Variants in NKAIN3 observed in about 807,000 individuals in gnomAD.
NKAIN3 encodes the protein sodium/potassium transporting ATPase interacting 3.
In NKAIN3, 25 loss-of-function variants were observed where a neutral mutation model predicts 30.2. That is an observed-to-expected ratio of 0.83 (90% CI 0.60 to 1.16). The LOEUF (loss-of-function observed/expected upper bound fraction) is 1.16. Among genes scored for constraint, NKAIN3 ranks in the 50% most tolerant of loss-of-function variants. NKAIN3 has a pLI of 0.00. For missense variants in NKAIN3, 225 were observed against 254.1 expected (o/e 0.89, Z 0.78); for synonymous variants, 91 against 89.6 (o/e 1.02, Z -0.09).
chr8:62,649,872 A>G (rs1227023590), intron 3 of NKAIN3, among the ~76,000 whole-genome samples: 2 of 152,178 alleles, frequency 1.3e-5, no homozygotes, highest in African/African-American at 2.4e-5. Context: ...GAGTCCAAAC[A>G]GGCCCCATCT....
chr8:62,741,369 A>C (rs1480120), intron 3 of NKAIN3, among the ~76,000 whole-genome samples: 21,664 of 58,286 alleles, frequency 0.37, 1,902 homozygotes, highest in Non-Finnish European at 0.45. Flanking sequence ...GAAAGAAGGA[A>C]GGAAGGAAGG....
intron 1 of NKAIN3, among the ~76,000 whole-genome samples, chr8:62,324,348 A>G (rs1815043092): frequency 1.3e-5 from 2 of 152,084 alleles, no homozygotes; most frequent in African/African-American, 2.4e-5. Context: ...CTAAATAGAA[A>G]CTTTTTAATA....
intron 3 of NKAIN3, among the ~76,000 whole-genome samples, chr8:62,662,802 T>C (rs1586062993): frequency 6.6e-6 from 1 of 152,326 alleles, no homozygotes; most frequent in African/African-American, 2.4e-5. Flanking sequence ...TATGTGAATG[T>C]GTTTGGGAGA....
chr8:62,388,063 C>A lies in NKAIN3; in HGVS notation c.54+138936C>A, dbSNP rs73259248. Reference sequence around the variant, plus strand: ...TAATGACATTGTGGAGTGTAACTGGCTTTTTAACACCGTTAAATAATTTTC... The same window carrying A: ...TAATGACATTGTGGAGTGTAACTGGATTTTTAACACCGTTAAATAATTTTC... On this transcript the variant is annotated intron_variant, in intron 1 of 6. Coordinates refer to ENST00000623646, the MANE Select transcript of NKAIN3 (RefSeq NM_001304533.3). Among the ~76,000 whole-genome samples, 335 of 152,232 alleles carry A rather than the reference C, an allele frequency of 2.2e-3. 3 individuals carry two copies. The highest frequency in any genetic ancestry group is 7.1e-3 in the African/African-American group (294 of 41,546).
intron 5 of NKAIN3, among the ~76,000 whole-genome samples, chr8:62,939,378 C>CA (rs1000207742): frequency 2.0e-5 from 3 of 152,142 alleles, no homozygotes; most frequent in African/African-American, 7.2e-5. Flanking sequence ...CAGATCTAGA[C>CA]ATCCAAATAC....
At chr8:62,339,639 T>C (rs1815676612) in intron 1 of NKAIN3, among the ~76,000 whole-genome samples, 1 of 152,086 alleles carries the variant, frequency 6.6e-6, no homozygotes, top group Non-Finnish European at 1.5e-5. Flanking sequence ...AAAATGAGAT[T>C]CATCTTTTTC....
intron 1 of NKAIN3, among the ~76,000 whole-genome samples, chr8:62,318,569 ATTGGTT>A (rs1286423701): frequency 8.7e-4 from 131 of 149,904 alleles, no homozygotes; most frequent in African/African-American, 3.1e-3. Flanking sequence ...GGTTTTTGTC[ATTGGTT>A]CTCTATTGAG....
chr8:62,810,342 T>C (rs930249434), intron 4 of NKAIN3, among the ~76,000 whole-genome samples: 2 of 152,224 alleles, frequency 1.3e-5, no homozygotes, highest in African/African-American at 4.8e-5. Context: ...GGGGATGTAT[T>C]TGGAGGAGTA....
intron 3 of NKAIN3, among the ~76,000 whole-genome samples, chr8:62,671,876 G>T (rs1813316633): frequency 6.6e-6 from 1 of 152,004 alleles, no homozygotes; most frequent in African/African-American, 2.4e-5. Context: ...ATCATCTATA[G>T]GAAGTTAACT....
intron 4 of NKAIN3, among the ~76,000 whole-genome samples, chr8:62,762,542 A>C (rs776263298): frequency 6.6e-6 from 1 of 152,230 alleles, no homozygotes; most frequent in Non-Finnish European, 1.5e-5. Flanking sequence ...TATTTTAACC[A>C]GAAGAATGGC....
At chr8:62,316,300 T>G (rs1216944324) in intron 1 of NKAIN3, among the ~76,000 whole-genome samples, 4 of 152,114 alleles carry the variant, frequency 2.6e-5, no homozygotes, top group Non-Finnish European at 5.9e-5. Context: ...TTTATTATAC[T>G]TTAAGTTTTA....
intron 1 of NKAIN3, among the ~76,000 whole-genome samples, chr8:62,447,597 T>C (rs949209910): frequency 1.3e-5 from 2 of 152,054 alleles, no homozygotes; most frequent in African/African-American, 4.8e-5. Flanking sequence ...TGGGTTCTTT[T>C]CTTTCTCTGA....
intron 1 of NKAIN3, among the ~76,000 whole-genome samples, chr8:62,257,203 T>A (rs538587896): frequency 6.6e-6 from 1 of 152,306 alleles, no homozygotes; most frequent in Admixed American, 6.5e-5. Context: ...AGTCCTTATG[T>A]TTGTAACCCT....
intron 1 of NKAIN3, among the ~76,000 whole-genome samples, chr8:62,270,601 A>G (rs557639756): frequency 1.3e-5 from 2 of 152,298 alleles, no homozygotes; most frequent in Non-Finnish European, 2.9e-5. Flanking sequence ...TTTGAAATGT[A>G]TAATACATTA....
At chr8:62,933,515 C>T (rs1585592446) in intron 5 of NKAIN3, among the ~76,000 whole-genome samples, 1 of 152,138 alleles carries the variant, frequency 6.6e-6, no homozygotes, top group Admixed American at 6.5e-5. Context: ...TTTAGGCAAA[C>T]TCTCAGGATT....
At chr8:62,929,864 C>T (rs976206613) in intron 5 of NKAIN3, among the ~76,000 whole-genome samples, 1 of 152,062 alleles carries the variant, frequency 6.6e-6, no homozygotes, top group Non-Finnish European at 1.5e-5. Flanking sequence ...TTTCTTTTAG[C>T]TCATCAACTA....
intron 4 of NKAIN3, among the ~76,000 whole-genome samples, chr8:62,862,925 A>G (rs149148048): frequency 3.2e-4 from 48 of 152,356 alleles, no homozygotes; most frequent in African/African-American, 1.1e-3. Flanking sequence ...TGCAGGAGTG[A>G]TAAGACACAG....
rs1457192618 is a variant in NKAIN3, at chr8:62,978,200, C to G, written c.*12793C>G. The G allele has an allele frequency of 6.5e-6, 1 of 152,988 alleles. No homozygotes were observed. The highest frequency in any genetic ancestry group is 1.5e-5 in the Non-Finnish European group (1 of 68,702). 9.5% of individuals were successfully genotyped at this position (152,988 alleles called of 1,614,324 possible). The stretch of plus-strand genomic sequence containing the variant: ...ATCAGGAGGCATGGGGGTCAGGGAC[C>G]CACTTGTGGAAGCAGTCTGTCCCTT... On this transcript the variant is annotated 3_prime_UTR_variant, in exon 7 of 7. Transcript: ENST00000623646.
intron 3 of NKAIN3, among the ~76,000 whole-genome samples, chr8:62,715,888 G>T (rs541957543): frequency 6.6e-6 from 1 of 152,202 alleles, no homozygotes; most frequent in South Asian, 2.1e-4. Context: ...GCAGGGATGG[G>T]GCATAAAAGG....
Sources: gnomAD v4.1 joint callset for allele counts (sites outside exome capture counted in the v4.1 genomes callset) on GRCh38, gnomAD v4.1.1 for gene constraint, MANE v1.5 for transcripts, NCBI Gene and HGNC (gene_info 2026-07-23, HGNC 2026-07-21) for gene names.